The following MYEF2 variants were observed in gnomAD, a reference collection of about 807,000 sequenced individuals.
The protein encoded by MYEF2 is myelin expression factor 2, also known as myelin gene expression factor 2.
A neutral mutation model predicts 75.2 loss-of-function variants in MYEF2; 37 were observed. The ratio of observed to expected loss-of-function variants is 0.49; its 90% CI spans 0.38 to 0.65. The LOEUF (loss-of-function observed/expected upper bound fraction) is 0.65, where lower values mean the gene tolerates loss of function less well. MYEF2 is among the 30% of genes least tolerant of loss of function. MYEF2 has a pLI of 0.00. For missense variants in MYEF2, 634 were observed against 771.4 expected (o/e 0.82, Z 2.11); for synonymous variants, 195 against 241.6 (o/e 0.81, Z 1.79).
intron 9 of MYEF2, among the ~76,000 whole-genome samples, chr15:48,156,243 AC>A (rs1189664142): frequency 6.6e-6 from 1 of 152,048 alleles, no homozygotes; most frequent in Non-Finnish European, 1.5e-5. Flanking sequence ...AACACACTAA[AC>A]CCCAATAAAT....
chr15:48,158,631 GTTTTA>G, intron 7 of MYEF2, 133 bp downstream of exon 7: 1 of 1,005,338 alleles, frequency 9.9e-7, no homozygotes, highest in Admixed American at 2.2e-5. Flanking sequence ...CCTACTAAGG[GTTTTA>G]TTTGCTGGAG....
chr15:48,165,905 T>C (rs1484748914), intron 5 of MYEF2, 28 bp downstream of exon 5: 2 of 1,431,462 alleles, frequency 1.4e-6, no homozygotes, highest in Non-Finnish European at 1.9e-6. Flanking sequence ...TAGTCAAATG[T>C]TTAAATTCTA....
chr15:48,166,173 T>C, intron 3 of MYEF2, 45 bp from the exon 4 acceptor site: 1 of 1,461,280 alleles, frequency 6.8e-7, no homozygotes, highest in East Asian at 2.3e-5. Context: ...GAAAAAAAGT[T>C]TTAGATCAGT....
At chr15:48,156,749 T>C (rs1284414592) in intron 9 of MYEF2, among the ~76,000 whole-genome samples, 1 of 151,842 alleles carries the variant, frequency 6.6e-6, no homozygotes, top group Non-Finnish European at 1.5e-5. Flanking sequence ...GAGCTACATC[T>C]ATCAACATAA....
At chr15:48,174,581 A>G (rs1279565605) in intron 1 of MYEF2, among the ~76,000 whole-genome samples, 2 of 152,152 alleles carry the variant, frequency 1.3e-5, no homozygotes, top group African/African-American at 4.8e-5. Flanking sequence ...AAAAATGTAT[A>G]AGGAACCCAT....
intron 9 of MYEF2, among the ~76,000 whole-genome samples, chr15:48,155,744 T>A (rs564309542): frequency 6.7e-6 from 1 of 149,284 alleles, no homozygotes; most frequent in African/African-American, 2.5e-5. Flanking sequence ...TTTCAAATAA[T>A]ACATGGCTCA....
chr15:48,172,422 G>C (rs937649636), intron 1 of MYEF2, among the ~76,000 whole-genome samples: 2 of 141,562 alleles, frequency 1.4e-5, no homozygotes, highest in East Asian at 4.1e-4. Flanking sequence ...AAAGAATAAA[G>C]ATCTCCAACA....
chr15:48,139,169 A>G lies in MYEF2; in HGVS notation c.*3739T>C, dbSNP rs1328472078. On this transcript the variant is annotated 3_prime_UTR_variant, in exon 17 of 17. Coordinates refer to ENST00000324324, the MANE Select transcript of MYEF2 (RefSeq NM_016132.5). ...ATATATCCTGGTTTGGATGGTCACA[A>G]TAACTGGTATGTATTTTAAGTACAA... The G allele has an allele frequency of 2.5e-6, 4 of 1,608,814 alleles. No homozygotes were observed. The highest frequency in any genetic ancestry group is 1.3e-5 in the African/African-American group (1 of 74,828).
At chr15:48,169,357 T>C (rs1265395277) in intron 1 of MYEF2, among the ~76,000 whole-genome samples, 2 of 152,222 alleles carry the variant, frequency 1.3e-5, no homozygotes, top group East Asian at 1.9e-4. Context: ...AAGTTATGTA[T>C]ATAAATCCAC....
rs2038983586 is a variant in MYEF2, at chr15:48,139,316, A to G, written c.*3592T>C. Reference sequence around the variant, plus strand: ...ATTAGTACCATTTACAAAATGATTAAGTATTACTATAACAAGATCACTGGA... The same window carrying G: ...ATTAGTACCATTTACAAAATGATTAGGTATTACTATAACAAGATCACTGGA... On this transcript the variant is annotated 3_prime_UTR_variant, in exon 17 of 17. Coordinates refer to ENST00000324324, the MANE Select transcript of MYEF2 (RefSeq NM_016132.5). 1 of 627,352 alleles carries G rather than the reference A, an allele frequency of 1.6e-6. No individual in the cohort carries two copies. Among genetic ancestry groups the G allele is most frequent in the Non-Finnish European group, 2.7e-6 (1 of 364,258 alleles). 38.9% of individuals were successfully genotyped at this position (627,352 alleles called of 1,614,324 possible). A position where few individuals can be genotyped will look rare whatever the true frequency, so the allele number is the denominator to read the frequency against.
chr15:48,148,899 C>G, intron 16 of MYEF2, 133 bp downstream of exon 16: 3 of 840,750 alleles, frequency 3.6e-6, no homozygotes, highest in Admixed American at 2.2e-5. Flanking sequence ...TGGAATTAGA[C>G]CTGGCACGCT....
chr15:48,142,732 C>A lies in MYEF2; in HGVS notation c.*176G>T. ...GACTTGCTGTCTTTAAAAACCCAAACTTGAGATTAACAAAAATTACAGTAT... is the reference window on the plus strand; with the variant it reads ...GACTTGCTGTCTTTAAAAACCCAAAATTGAGATTAACAAAAATTACAGTAT... On this transcript the variant is annotated 3_prime_UTR_variant, in exon 17 of 17. Transcript: ENST00000324324. 1 of 609,170 alleles carries A rather than the reference C, an allele frequency of 1.6e-6. No homozygotes were observed. Among genetic ancestry groups the A allele is most frequent in the South Asian group, 3.2e-5 (1 of 31,482 alleles). 37.7% of individuals were successfully genotyped at this position (609,170 alleles called of 1,614,324 possible).
At chr15:48,148,891 G>T in intron 16 of MYEF2, 141 bp downstream of exon 16, 1 of 787,354 alleles carries the variant, frequency 1.3e-6, no homozygotes, top group Non-Finnish European at 2.1e-6. Context: ...ATTTGAAGTG[G>T]AATTAGACCT....
chr15:48,168,869 A>C, intron 1 of MYEF2, 30 bp from the exon 2 acceptor site: 2 of 1,522,958 alleles, frequency 1.3e-6, no homozygotes, highest in Non-Finnish European at 1.8e-6. Context: ...AAACAAACAA[A>C]AACCCTCAGT....
Position 48,140,184 on chromosome 15 carries a change from A to G in MYEF2, c.*2724T>C, listed in dbSNP as rs980678316. On this transcript the variant is annotated 3_prime_UTR_variant, in exon 17 of 17. Transcript: ENST00000324324. Reference sequence around the variant, plus strand: ...AGAACACATTTGATACTAGAAAAATAAAAAGAGAGCAAAAATCATGTAATA... The same window carrying G: ...AGAACACATTTGATACTAGAAAAATGAAAAGAGAGCAAAAATCATGTAATA... The G allele has an allele frequency of 6.6e-6, 1 of 152,148 alleles. No homozygotes were observed. The highest frequency in any genetic ancestry group is 1.5e-5 in the Non-Finnish European group (1 of 68,000). The allele number at this position is 152,148 out of a possible 1,614,324, so 9.4% of individuals were successfully genotyped here.
At position 48,142,102 on chromosome 15, in the gene MYEF2, G is replaced by T. The variant is rs2039110730; in HGVS notation, c.*806C>A. On this transcript the variant is annotated 3_prime_UTR_variant, in exon 17 of 17. Coordinates refer to ENST00000324324, the MANE Select transcript of MYEF2 (RefSeq NM_016132.5). ...ATATGTTGTGCCTTGGTATTCCATG[G>T]TTTATTAAAACTGCATTTATAAATG... is the stretch of plus-strand genomic sequence containing the variant. The T allele has an allele frequency of 7.4e-6, 12 of 1,613,738 alleles. No homozygotes were observed. Among genetic ancestry groups the T allele is most frequent in the Admixed American group, 1.7e-5 (1 of 59,992 alleles).
At position 48,134,723 on chromosome 15, in the gene MYEF2, GTC is replaced by G; in HGVS notation, c.*8183_*8184del. 1 of 727,648 alleles carries G rather than the reference GTC, an allele frequency of 1.4e-6. No homozygotes were observed. The highest frequency in any genetic ancestry group is 2.2e-6 in the Non-Finnish European group (1 of 449,788). 45.1% of individuals were successfully genotyped at this position (727,648 alleles called of 1,614,324 possible). A position where few individuals can be genotyped will look rare whatever the true frequency, so the allele number is the denominator to read the frequency against. On this transcript the variant is annotated 3_prime_UTR_variant, in exon 17 of 17. Coordinates refer to ENST00000324324, the MANE Select transcript of MYEF2 (RefSeq NM_016132.5). ...ATAGCTCTTGGTCAGATTTATGAAA[GTC>G]TGTGTAAGTTAGAACACAATTTTAC... is the stretch of plus-strand genomic sequence containing the variant.
Position 48,142,643 on chromosome 15 carries a change from A to G in MYEF2, c.*265T>C. 2 of 448,302 alleles carry G rather than the reference A, an allele frequency of 4.5e-6. No individual in the cohort carries two copies. Among genetic ancestry groups the G allele is most frequent in the Non-Finnish European group, 7.7e-6 (2 of 258,402 alleles). The allele number at this position is 448,302 out of a possible 1,614,324, so 27.8% of individuals were successfully genotyped here. On this transcript the variant is annotated 3_prime_UTR_variant, in exon 17 of 17. Transcript: ENST00000324324. ...ACAAATCCAACTATGTAGTACTGAA[A>G]ACAACAAGAAAATGGCTTATTTCAT...
intron 9 of MYEF2, among the ~76,000 whole-genome samples, chr15:48,155,724 A>T (rs1343904724): frequency 2.6e-5 from 4 of 151,844 alleles, no homozygotes; most frequent in African/African-American, 9.7e-5. Flanking sequence ...TGGAAATTGA[A>T]AACTTCCATT....
Sources: allele counts gnomAD v4.1 joint callset (sites outside exome capture counted in the v4.1 genomes callset), GRCh38; gene constraint gnomAD v4.1.1; transcripts MANE v1.5; gene names NCBI Gene and HGNC (gene_info 2026-07-23, HGNC 2026-07-21).